Variants in SPO11 observed in about 807,000 individuals in gnomAD.
SPO11 encodes SPO11 initiator of meiotic double strand breaks.
SPO11 carries 49 observed loss-of-function variants against 51.6 expected under a neutral mutation model. That is an observed-to-expected ratio of 0.95 (90% confidence interval 0.75 to 1.20). The LOEUF (loss-of-function observed/expected upper bound fraction) is 1.20. SPO11 is among the 50% of genes most tolerant of loss of function. The probability of loss-of-function intolerance (pLI) is 0.00; values close to 1 mark genes in which losing one functional copy is unlikely to be tolerated. For missense variants in SPO11, 431 were observed against 473.4 expected, an observed-to-expected ratio of 0.91 and a Z score of 0.83; for synonymous variants, 176 against 158.2, an observed-to-expected ratio of 1.11 and a Z score of -0.84.
In SPO11 at chr20:57,343,472, A is replaced by G. The variant is rs2066608351; in HGVS notation, c.*12A>G. The G allele has an allele frequency of 6.3e-7, 1 of 1,584,486 alleles. No homozygotes were observed. The highest frequency in any genetic ancestry group is 1.4e-5 in the African/African-American group (1 of 73,042). On this transcript the variant is annotated 3_prime_UTR_variant, in exon 13 of 13. Coordinates refer to ENST00000371263, the MANE Select transcript of SPO11 (RefSeq NM_012444.3). ...GAGGATGGATATAAAAATAAATCAG[A>G]AGAACTTCTGATTGCCAGAGGCTTT...
Position 57,340,116 on chromosome 20 carries a change from A to G in SPO11, c.897A>G (p.Glu299=). The G allele has an allele frequency of 6.2e-7, 1 of 1,611,262 alleles. No homozygotes were observed. Among genetic ancestry groups the G allele is most frequent in the Non-Finnish European group, 8.5e-7 (1 of 1,177,454 alleles). ...YKYGSMSMSF[E]AHHLTVPAIR... is the part of the protein sequence containing the mutation. ...CTTTATTTTAGTCTATGTCTTTTGAAGCTCATCATCTCACAGTTCCAGCTA... is the reference window on the plus strand; with the variant it reads ...CTTTATTTTAGTCTATGTCTTTTGAGGCTCATCATCTCACAGTTCCAGCTA... Residue 299 remains glutamate (E), a synonymous_variant, in exon 11 of 13, where the codon GAA becomes GAG. Transcript: ENST00000371263.
rs762889018 is a variant in SPO11 at position 57,334,079 on chromosome 20, G to A, written c.494G>A (p.Arg165Lys). 6.4e-7 allele frequency: 1 copy of A among 1,567,608 alleles called. No homozygotes were observed. The highest frequency in any genetic ancestry group is 8.7e-7 in the Non-Finnish European group (1 of 1,149,518). ...ATTTCTTGCATGTTAAAAGTGTCAA[G>A]GAGGAGTCTACATATAGTAAGTAGT... Reference protein sequence around the residue: ...NDISCMLKVSRRSLHILSTSK... With the variant: ...NDISCMLKVSKRSLHILSTSK... Residue 165 changes from arginine to lysine, a missense_variant, in exon 5 of 13, where the codon AGG becomes AAG. By Grantham distance (26) the Arg-to-Lys change is conservative. Coordinates refer to ENST00000371263, the MANE Select transcript of SPO11 (RefSeq NM_012444.3).
chr20:57,338,010 C>T (rs183097670), intron 8 of SPO11, among the ~76,000 whole-genome samples: 652 of 152,308 alleles, frequency 4.3e-3, no homozygotes, highest in Admixed American at 0.011. Flanking sequence ...GCCTCAGCCT[C>T]CCGAGTACCT....
In SPO11 at chr20:57,343,651, C is replaced by G; in HGVS notation, c.*191C>G. On this transcript the variant is annotated 3_prime_UTR_variant, in exon 13 of 13. Coordinates refer to ENST00000371263, the MANE Select transcript of SPO11 (RefSeq NM_012444.3). ...CCAATTTTCTTTGCAAGGCCTTATT[C>G]TTGCCTCTATAGAGACAGATTTCTG... The G allele has an allele frequency of 2.0e-6, 1 of 505,412 alleles. No individual in the cohort carries two copies. Among genetic ancestry groups the G allele is most frequent in the Non-Finnish European group, 3.3e-6 (1 of 307,156 alleles). 31.3% of individuals were successfully genotyped at this position (505,412 alleles called of 1,614,324 possible).
intron 2 of SPO11, among the ~76,000 whole-genome samples, chr20:57,332,495 C>A (rs28368073): frequency 0.04 from 6,079 of 152,164 alleles, 182 homozygotes; most frequent in African/African-American, 0.09. Context: ...CTAGTTATAC[C>A]GGTTTTTTCC....
chr20:57,338,211 AGAGTAT>A (rs2146093634), intron 8 of SPO11, 59 bp from the exon 9 acceptor site: 1 of 1,144,434 alleles, frequency 8.7e-7, no homozygotes, highest in East Asian at 2.5e-5. Context: ...ATTATTAATA[AGAGTAT>A]AATTGTAACC....
At chr20:57,333,924 T>A in intron 4 of SPO11, 63 bp from the exon 5 acceptor site, 1 of 1,063,638 alleles carries the variant, frequency 9.4e-7, no homozygotes, top group Non-Finnish European at 1.3e-6. Flanking sequence ...ATTAACACTG[T>A]AATACTTGTC....
At position 57,333,288 on chromosome 20, in the gene SPO11, G is replaced by C; in HGVS notation, c.334+12G>C. 1 of 1,570,902 alleles carries C rather than the reference G, an allele frequency of 6.4e-7. No homozygotes were observed. ...AGCTCAAAAATTTTGTAAGTTAATT[G>C]TTCTTAGCTTTTGGTAATAAAGGAT... On this transcript the variant is annotated intron_variant, in intron 3 of 12. Transcript: ENST00000371263.
In SPO11 at chr20:57,330,144, A is replaced by G. The variant is rs549085833; in HGVS notation, c.131+146A>G. The G allele has an allele frequency of 9.9e-6, 12 of 1,215,900 alleles. No individual in the cohort carries two copies. In the East Asian group the frequency reaches 1.8e-4, roughly 18 times the overall value. 75.3% of individuals were successfully genotyped at this position (1,215,900 alleles called of 1,614,324 possible). A position where few individuals can be genotyped will look rare whatever the true frequency, so the allele number is the denominator to read the frequency against. On this transcript the variant is annotated intron_variant, in intron 1 of 12. Coordinates refer to ENST00000371263, the MANE Select transcript of SPO11 (RefSeq NM_012444.3). ...GGAACCCCCAAAAAGATCCTTCCTG[A>G]GTACCCGTGACCTGCTTTGAACCCT...
chr20:57,332,352 T>G (rs1238685898), intron 2 of SPO11, among the ~76,000 whole-genome samples: 1 of 152,222 alleles, frequency 6.6e-6, no homozygotes, highest in African/African-American at 2.4e-5. Context: ...CCAATCCTGA[T>G]ACCAGACCAA....
chr20:57,336,039 G>C (rs2066508791), intron 8 of SPO11, 132 bp downstream of exon 8: 1 of 582,156 alleles, frequency 1.7e-6, no homozygotes, highest in African/African-American at 1.9e-5. Flanking sequence ...CATAGAACGG[G>C]AATTTCCAAT....
chr20:57,329,925 A>T lies in SPO11; in HGVS notation c.58A>T (p.Arg20Trp), dbSNP rs766224343. Residue 20 changes from arginine (R) to tryptophan (W), a missense_variant, in exon 1 of 13, where the codon AGG becomes TGG. Physicochemically the swap from Arg to Trp is moderately radical, Grantham distance 101 (BLOSUM62 -3). Coordinates refer to ENST00000371263, the MANE Select transcript of SPO11 (RefSeq NM_012444.3). Reference sequence around the variant, plus strand: ...GTTCTTCGACGTTTTGGACCGACACAGGGAGTCCCTGCTGGCTGCCCTGAG... The same window carrying T: ...GTTCTTCGACGTTTTGGACCGACACTGGGAGTCCCTGCTGGCTGCCCTGAG... ...ASFFDVLDRH[R>W]ESLLAALRRG... is the part of the protein sequence containing the mutation. The T allele has an allele frequency of 6.2e-7, 1 of 1,613,812 alleles. No homozygotes were observed. The highest frequency in any genetic ancestry group is 1.7e-5 in the Admixed American group (1 of 60,030).
At chr20:57,330,870 C>G (rs2066440853) in intron 1 of SPO11, among the ~76,000 whole-genome samples, 1 of 152,162 alleles carries the variant, frequency 6.6e-6, no homozygotes, top group African/African-American at 2.4e-5. Context: ...CTGATTGTAT[C>G]TTAAAGTTGG....
chr20:57,338,813 T>A (rs6064530), intron 9 of SPO11, among the ~76,000 whole-genome samples, 176 bp from the exon 10 acceptor site: 14,284 of 152,178 alleles, frequency 0.094, 1,379 homozygotes, highest in African/African-American at 0.25. Context: ...CATTAAAATT[T>A]GGTCTATAAT....
chr20:57,343,098 G>C (rs2066603419), intron 12 of SPO11, among the ~76,000 whole-genome samples: 1 of 151,496 alleles, frequency 6.6e-6, no homozygotes, highest in Admixed American at 6.6e-5. Flanking sequence ...ATAGTTTGTG[G>C]GATTAAAAAA....
Position 57,334,797 on chromosome 20 carries a change from G to A in SPO11, c.558G>A (p.Glu186=). The change falls in exon 6 of 13, where the codon GAG becomes GAA. Residue 186 remains glutamate, a synonymous_variant. Transcript: ENST00000371263. Reference sequence around the variant, plus strand: ...TTGCTGGCAACTTAAGATACATCGAGGAAGATGGCACCAAAGTGAATTGTA... The same window carrying A: ...TTGCTGGCAACTTAAGATACATCGAAGAAGATGGCACCAAAGTGAATTGTA... ...GLIAGNLRYI[E]EDGTKVNCTC... 3.7e-6 allele frequency: 6 copies of A among 1,613,882 alleles called. No individual in the cohort carries two copies. The highest frequency in any genetic ancestry group is 4.2e-6 in the Non-Finnish European group (5 of 1,179,880).
Position 57,333,970 on chromosome 20 carries a change from A to G in SPO11, c.402-17A>G. On this transcript the variant is annotated splice_polypyrimidine_tract_variant and intron_variant, in intron 4 of 12. Coordinates refer to ENST00000371263, the MANE Select transcript of SPO11 (RefSeq NM_012444.3). ...AGAATATAGTTAATTAAAAATATGT[A>G]TTTTAAATTTTCATAGGGACATATA... 7.1e-7 allele frequency: 1 copy of G among 1,404,732 alleles called. No homozygotes were observed. Among genetic ancestry groups the G allele is most frequent in the Non-Finnish European group, 9.8e-7 (1 of 1,025,108 alleles). 87.0% of individuals were successfully genotyped at this position (1,404,732 alleles called of 1,614,324 possible).
rs749497675 is a variant in SPO11, at chr20:57,329,829, G to A, written c.-39G>A. On this transcript the variant is annotated 5_prime_UTR_variant, in exon 1 of 13. Coordinates refer to ENST00000371263, the MANE Select transcript of SPO11 (RefSeq NM_012444.3). The stretch of plus-strand genomic sequence containing the variant: ...GCCACGCCCCAAGGGCGCAGCCTAG[G>A]ACAGGGGCTTCTGGAGCTTCTGGCA... 1.3e-6 allele frequency: 2 copies of A among 1,597,146 alleles called. No homozygotes were observed. Among genetic ancestry groups the A allele is most frequent in the Non-Finnish European group, 1.7e-6 (2 of 1,170,492 alleles).
chr20:57,340,830 C>A (rs1028060537), intron 11 of SPO11, among the ~76,000 whole-genome samples: 2 of 151,658 alleles, frequency 1.3e-5, no homozygotes, highest in Non-Finnish European at 2.9e-5. Flanking sequence ...ACATCATTTG[C>A]CATATGAATC....
Sources: gnomAD v4.1 joint callset for allele counts (sites outside exome capture counted in the v4.1 genomes callset) on GRCh38, gnomAD v4.1.1 for gene constraint, MANE v1.5 for transcripts, NCBI Gene and HGNC (gene_info 2026-07-23, HGNC 2026-07-21) for gene names.